The following ZNF706 variants were observed in gnomAD, a reference collection of about 807,000 sequenced individuals.
The protein encoded by ZNF706 is transcriptional regulator ZNF706.
In ZNF706, 4 loss-of-function variants were observed where a neutral mutation model predicts 9.2. The observed-to-expected ratio is 0.43, with a 90% CI of 0.21 to 0.99. ZNF706 has a LOEUF of 0.99. Among genes scored for constraint, ZNF706 ranks in the 50% least tolerant of loss-of-function variants. The pLI is 0.26. For synonymous variants in ZNF706, 28 were observed against 27.3 expected, an observed-to-expected ratio of 1.03 and a Z score of -0.08; for missense variants, 27 against 87.8, an observed-to-expected ratio of 0.31 and a Z score of 2.77.
At position 101,201,016 on chromosome 8, in the gene ZNF706, GA is replaced by G; in HGVS notation, c.135+590del. ...GTCAGTTTACTCTTCTGTAAAATGAGAACAATAAAAGTACTTTATCTTATAG... is the reference window on the plus strand; with the variant it reads ...GTCAGTTTACTCTTCTGTAAAATGAGACAATAAAAGTACTTTATCTTATAG... On this transcript the variant is annotated intron_variant, in intron 2 of 3. Transcript: ENST00000311212. This position sits in a 1 kb window ranked among gnomAD's most constrained non-coding sequence, Gnocchi z 4.5. The G allele has an allele frequency of 4.0e-6, 1 of 250,008 alleles. No homozygotes were observed. Among genetic ancestry groups the G allele is most frequent in the South Asian group, 3.7e-5 (1 of 26,946 alleles). The allele number at this position is 250,008 out of a possible 1,614,324, so 15.5% of individuals were successfully genotyped here.
In ZNF706 at chr8:101,197,916, T is replaced by C. The variant is rs1436028729; in HGVS notation, c.*1336A>G. 6.6e-6 allele frequency: 1 copy of C among 152,166 alleles called. No homozygotes were observed. The highest frequency in any genetic ancestry group is 2.4e-5 in the African/African-American group (1 of 41,440). 9.4% of individuals were successfully genotyped at this position (152,166 alleles called of 1,614,324 possible). A position where few individuals can be genotyped will look rare whatever the true frequency, so the allele number is the denominator to read the frequency against. The stretch of plus-strand genomic sequence containing the variant: ...TGATAAGCTACAGCAGAAGAGGGAA[T>C]GCATTCTGTAATCCACAGGATCAGA... On this transcript the variant is annotated 3_prime_UTR_variant, in exon 4 of 4. Coordinates refer to ENST00000311212, the MANE Select transcript of ZNF706 (RefSeq NM_016096.5).
chr8:101,199,983 G>T lies in ZNF706; in HGVS notation c.*12+7C>A. The stretch of plus-strand genomic sequence containing the variant: ...TTAACAAACCAATAGAAAAAGAGGT[G>T]AGTTACCTGTAAACAACCTTATGCC... On this transcript the variant is annotated splice_region_variant and intron_variant, in intron 3 of 3. Coordinates refer to ENST00000311212, the MANE Select transcript of ZNF706 (RefSeq NM_016096.5). 1 of 1,590,618 alleles carries T rather than the reference G, an allele frequency of 6.3e-7. No individual in the cohort carries two copies. The highest frequency in any genetic ancestry group is 1.1e-5 in the South Asian group (1 of 90,472).
chr8:101,202,451 G>A (rs760322637), intron 1 of ZNF706: 5 of 151,962 alleles, frequency 3.3e-5, no homozygotes, highest in African/African-American at 4.8e-5. Context: ...TGAGACTCTG[G>A]TCTCAAAAAT....
At chr8:101,204,726 T>G (rs1810688947) in intron 1 of ZNF706, 2 of 985,436 alleles carry the variant, frequency 2.0e-6, no homozygotes, top group South Asian at 9.4e-5. Flanking sequence ...AGAAACGAGT[T>G]CTAAAATGAG....
Position 101,205,262 on chromosome 8 carries a change from G to A in ZNF706, c.-3+173C>T, listed in dbSNP as rs1484853954. Reference sequence around the variant, plus strand: ...ACCCGGCCACCTGCAGGGCCTGGCAGGCGCCCGAACTCATCCCCTTCCCGC... The same window carrying A: ...ACCCGGCCACCTGCAGGGCCTGGCAAGCGCCCGAACTCATCCCCTTCCCGC... On this transcript the variant is annotated intron_variant, in intron 1 of 3. Transcript: ENST00000311212. The surrounding 1 kb of genome is among the most constrained non-coding windows in gnomAD (Gnocchi z 6.6). 2 of 151,886 alleles carry A rather than the reference G, an allele frequency of 1.3e-5. No individual in the cohort carries two copies. The highest frequency in any genetic ancestry group is 2.9e-5 in the Non-Finnish European group (2 of 67,962). 9.4% of individuals were successfully genotyped at this position (151,886 alleles called of 1,614,324 possible).
Position 101,198,137 on chromosome 8 carries a change from G to C in ZNF706, c.*1115C>G, listed in dbSNP as rs1209555159. The C allele has an allele frequency of 2.0e-5, 3 of 152,140 alleles. No individual in the cohort carries two copies. The highest frequency in any genetic ancestry group is 7.2e-5 in the African/African-American group (3 of 41,440). The allele number at this position is 152,140 out of a possible 1,614,324, so 9.4% of individuals were successfully genotyped here. ...CTGAACAAACCCATTTTCCCATCCTGAGATCTAAAAGAATGTGAATATTGA... is the reference window on the plus strand; with the variant it reads ...CTGAACAAACCCATTTTCCCATCCTCAGATCTAAAAGAATGTGAATATTGA... On this transcript the variant is annotated 3_prime_UTR_variant, in exon 4 of 4. Coordinates refer to ENST00000311212, the MANE Select transcript of ZNF706 (RefSeq NM_016096.5).
chr8:101,200,430 T>C (rs1810516058), intron 2 of ZNF706: 1 of 216,828 alleles, frequency 4.6e-6, no homozygotes, highest in Non-Finnish European at 9.4e-6. Context: ...TAGCTCCTAC[T>C]AGCATCATTT....
At chr8:101,205,747 T>A (rs1810747776), upstream of ZNF706, 1 of 152,776 alleles carries the variant, frequency 6.5e-6, no homozygotes, top group Non-Finnish European at 1.5e-5. This position sits in a 1 kb window ranked among gnomAD's most constrained non-coding sequence, Gnocchi z 6.6. Flanking sequence ...TGCCTCCTTC[T>A]GGCCCCCACC....
chr8:101,203,054 C>T (rs1449570607), intron 1 of ZNF706: 1 of 152,040 alleles, frequency 6.6e-6, no homozygotes, highest in Non-Finnish European at 1.5e-5. Flanking sequence ...TTTCTTTGCT[C>T]TCTAGACGTT....
chr8:101,204,978 C>A, intron 1 of ZNF706: 1 of 982,836 alleles, frequency 1.0e-6, no homozygotes, highest in Non-Finnish European at 1.2e-6. Flanking sequence ...CTTCTCCGAC[C>A]CCAGCTTCAG....
chr8:101,204,910 C>A lies in ZNF706; in HGVS notation c.-3+525G>T, dbSNP rs543872583. On this transcript the variant is annotated intron_variant, in intron 1 of 3. Transcript: ENST00000311212. The stretch of plus-strand genomic sequence containing the variant: ...CACATCCTGACCCTAGCTTTTAACA[C>A]CATCGTTTTGGGGAGAGGAGAGGAG... 1.8e-5 allele frequency: 18 copies of A among 985,708 alleles called. No individual in the cohort carries two copies. In the East Asian group the frequency reaches 1.1e-3, roughly 62 times the overall value. The allele number at this position is 985,708 out of a possible 1,614,324, so 61.1% of individuals were successfully genotyped here.
chr8:101,204,943 C>A lies in ZNF706; in HGVS notation c.-3+492G>T. The A allele has an allele frequency of 3.0e-6, 3 of 985,598 alleles. No homozygotes were observed. In the South Asian group the frequency reaches 1.4e-4, roughly 46 times the overall value. 61.1% of individuals were successfully genotyped at this position (985,598 alleles called of 1,614,324 possible). A position where few individuals can be genotyped will look rare whatever the true frequency, so the allele number is the denominator to read the frequency against. Reference sequence around the variant, plus strand: ...TTGGGGAGAGGAGAGGAGGAACGCACCCACAGTGAGGTCTCCACCCAACAC... The same window carrying A: ...TTGGGGAGAGGAGAGGAGGAACGCAACCACAGTGAGGTCTCCACCCAACAC... On this transcript the variant is annotated intron_variant, in intron 1 of 3. Coordinates refer to ENST00000311212, the MANE Select transcript of ZNF706 (RefSeq NM_016096.5).
intron 2 of ZNF706, chr8:101,200,321 T>G (rs1346125013): frequency 2.5e-6 from 1 of 402,798 alleles, no homozygotes; most frequent in Non-Finnish European, 4.6e-6. Flanking sequence ...GAATGTATTC[T>G]GCTTATCTGA....
At position 101,201,536 on chromosome 8, in the gene ZNF706, T is replaced by C; in HGVS notation, c.135+71A>G. The C allele has an allele frequency of 7.1e-7, 1 of 1,412,714 alleles. No individual in the cohort carries two copies. The highest frequency in any genetic ancestry group is 9.6e-7 in the Non-Finnish European group (1 of 1,037,432). The allele number at this position is 1,412,714 out of a possible 1,614,324, so 87.5% of individuals were successfully genotyped here. On this transcript the variant is annotated intron_variant, in intron 2 of 3. Transcript: ENST00000311212. The surrounding 1 kb of genome is among the most constrained non-coding windows in gnomAD (Gnocchi z 4.5). ...GTAAAGCATCTATTTTGCCATGGTTTCAAAATTTTAATCTATTCAAGCCAA... is the reference window on the plus strand; with the variant it reads ...GTAAAGCATCTATTTTGCCATGGTTCCAAAATTTTAATCTATTCAAGCCAA...
chr8:101,199,999 A>C lies in ZNF706; in HGVS notation c.*3T>G, dbSNP rs1424328552. 6.2e-7 allele frequency: 1 copy of C among 1,610,696 alleles called. No individual in the cohort carries two copies. Among genetic ancestry groups the C allele is most frequent in the East Asian group, 2.2e-5 (1 of 44,830 alleles). On this transcript the variant is annotated 3_prime_UTR_variant, in exon 3 of 4. Coordinates refer to ENST00000311212, the MANE Select transcript of ZNF706 (RefSeq NM_016096.5). ...AAAAGAGGTGAGTTACCTGTAAACA[A>C]CCTTATGCCTGAACATCAGCTAATT...
At chr8:101,204,722 G>C in intron 1 of ZNF706, 4 of 985,452 alleles carry the variant, frequency 4.1e-6, no homozygotes, top group Non-Finnish European at 4.8e-6. Flanking sequence ...TGGAAGAAAC[G>C]AGTTCTAAAA....
At chr8:101,204,656 G>A (rs1810685842) in intron 1 of ZNF706, 2 of 985,322 alleles carry the variant, frequency 2.0e-6, no homozygotes, top group Non-Finnish European at 2.4e-6. Context: ...CTACATGCTG[G>A]TTTTTAATGC....
rs1023228603 is a variant in ZNF706, at chr8:101,205,033, A to AC, written c.-3+401dup. 25 of 785,732 alleles carry AC rather than the reference A, an allele frequency of 3.2e-5. No individual in the cohort carries two copies. Among genetic ancestry groups the AC allele is most frequent in the Middle Eastern group, 1.3e-3 (2 of 1,548 alleles). 48.7% of individuals were successfully genotyped at this position (785,732 alleles called of 1,614,324 possible). ...CAAACCCGCCTCTCCCGCCTCGGAG[A>AC]CCCCCTCCTCCTCCCTGCCACCAAA... is the stretch of plus-strand genomic sequence containing the variant. On this transcript the variant is annotated intron_variant, in intron 1 of 3. Coordinates refer to ENST00000311212, the MANE Select transcript of ZNF706 (RefSeq NM_016096.5). The surrounding 1 kb of genome is among the most constrained non-coding windows in gnomAD (Gnocchi z 6.6).
intron 1 of ZNF706, chr8:101,204,663 ATG>A: frequency 1.0e-6 from 1 of 985,496 alleles, no homozygotes; most frequent in Non-Finnish European, 1.2e-6. Context: ...CTGGTTTTTA[ATG>A]CAACTCTCAG....
Sources: allele counts gnomAD v4.1 joint callset, GRCh38; gene constraint gnomAD v4.1.1; non-coding constraint Gnocchi (gnomAD v3.1); transcripts MANE v1.5; gene names NCBI Gene and HGNC (gene_info 2026-07-23, HGNC 2026-07-21).